Variants in IGF2BP2 observed in about 807,000 individuals in gnomAD.
IGF2BP2 encodes the protein insulin-like growth factor 2 mRNA-binding protein 2.
IGF2BP2 carries 17 observed loss-of-function variants against 75.8 expected under a neutral mutation model. The ratio of observed to expected loss-of-function variants is 0.22; its 90% CI spans 0.15 to 0.34. The LOEUF (loss-of-function observed/expected upper bound fraction) is 0.34, where lower values mean the gene tolerates loss of function less well. Among genes scored for constraint, IGF2BP2 ranks in the 10% least tolerant of loss-of-function variants. IGF2BP2 has a pLI of 1.00. For synonymous variants in IGF2BP2, 288 were observed against 295.6 expected (o/e 0.97, Z 0.26); for missense variants, 516 against 772.4 (o/e 0.67, Z 3.93).
At chr3:185,729,497 G>A (rs1005455156) in intron 2 of IGF2BP2, among the ~76,000 whole-genome samples, 31 of 152,114 alleles carry the variant, frequency 2.0e-4, no homozygotes, top group African/African-American at 6.0e-4. Context: ...CCCAATACTC[G>A]TCATGATAGT....
At chr3:185,707,405 T>C (rs1361179166) in intron 2 of IGF2BP2, among the ~76,000 whole-genome samples, 2 of 141,626 alleles carry the variant, frequency 1.4e-5, no homozygotes, top group South Asian at 2.3e-4. Context: ...GCCTCCCAGG[T>C]TCAAGCTATT....
At position 185,825,000 on chromosome 3, in the gene IGF2BP2, T is replaced by A; in HGVS notation, c.-40A>T. 2.8e-6 allele frequency: 4 copies of A among 1,427,502 alleles called. No homozygotes were observed. The highest frequency in any genetic ancestry group is 3.7e-6 in the Non-Finnish European group (4 of 1,069,668). 88.4% of individuals were successfully genotyped at this position (1,427,502 alleles called of 1,614,324 possible). On this transcript the variant is annotated 5_prime_UTR_variant, in exon 1 of 16. Coordinates refer to ENST00000382199, the MANE Select transcript of IGF2BP2 (RefSeq NM_006548.6). ...AGAGCCCGCGGCTCCCCCGGCCCGG[T>A]ACCCGGCGCTCCTCGCCTCCTCCGC... is the stretch of plus-strand genomic sequence containing the variant.
intron 2 of IGF2BP2, among the ~76,000 whole-genome samples, chr3:185,726,884 G>GA (rs1199156106): frequency 6.6e-6 from 1 of 152,040 alleles, no homozygotes; most frequent in Non-Finnish European, 1.5e-5. Flanking sequence ...GGGGTTGTGG[G>GA]AAAAAAAGGT....
At chr3:185,706,723 A>T (rs1724073927) in intron 2 of IGF2BP2, among the ~76,000 whole-genome samples, 1 of 150,926 alleles carries the variant, frequency 6.6e-6, no homozygotes, top group African/African-American at 2.4e-5. Flanking sequence ...AGATTATCAG[A>T]TTTCTCAGAG....
intron 2 of IGF2BP2, chr3:185,722,255 A>T (rs1482792956): frequency 2.2e-6 from 1 of 456,246 alleles, no homozygotes; most frequent in African/African-American, 2.0e-5. Flanking sequence ...TCCCCATTCC[A>T]TAGGGGGTGA....
chr3:185,760,349 C>T (rs1421885424), intron 2 of IGF2BP2, among the ~76,000 whole-genome samples: 1 of 152,094 alleles, frequency 6.6e-6, no homozygotes, highest in Admixed American at 6.5e-5. Flanking sequence ...ATGTTACTCT[C>T]TTTTGTAATT....
At chr3:185,779,760 C>T (rs548568304) in intron 2 of IGF2BP2, among the ~76,000 whole-genome samples, 175 of 114,864 alleles carry the variant, frequency 1.5e-3, no homozygotes, top group African/African-American at 9.9e-3. Flanking sequence ...CTGAAAGCTT[C>T]TCCTATTGCC....
At chr3:185,682,261 T>C (rs1310929481) in intron 7 of IGF2BP2, among the ~76,000 whole-genome samples, 3 of 152,240 alleles carry the variant, frequency 2.0e-5, no homozygotes, top group Non-Finnish European at 4.4e-5. Context: ...TAGGAGGTGA[T>C]GAGTTAATCA....
chr3:185,761,738 C>A (rs1389427923), intron 2 of IGF2BP2, among the ~76,000 whole-genome samples: 1 of 152,106 alleles, frequency 6.6e-6, no homozygotes, highest in African/African-American at 2.4e-5. Flanking sequence ...TTATATGTTC[C>A]AACCCTAAAC....
intron 2 of IGF2BP2, among the ~76,000 whole-genome samples, chr3:185,727,276 C>T (rs1057407556): frequency 2.0e-5 from 3 of 151,640 alleles, no homozygotes; most frequent in African/African-American, 7.3e-5. Flanking sequence ...CAATGGAGAT[C>T]GTTAAGAACA....
chr3:185,684,152 TG>T (rs1166911665), intron 7 of IGF2BP2, among the ~76,000 whole-genome samples: 1 of 152,212 alleles, frequency 6.6e-6, no homozygotes, highest in African/African-American at 2.4e-5. Context: ...GCTGAGTTCC[TG>T]GCACATAGAA....
intron 7 of IGF2BP2, among the ~76,000 whole-genome samples, chr3:185,686,768 T>C (rs1479859952): frequency 6.6e-6 from 1 of 152,182 alleles, no homozygotes; most frequent in African/African-American, 2.4e-5. Flanking sequence ...CAGAAAGTTC[T>C]ATTGGACAGC....
intron 2 of IGF2BP2, among the ~76,000 whole-genome samples, chr3:185,707,622 T>C (rs1053071220): frequency 3.3e-5 from 5 of 152,014 alleles, no homozygotes; most frequent in African/African-American, 4.8e-5. Flanking sequence ...ACTGGAATAG[T>C]GGTGAATAGC....
intron 2 of IGF2BP2, among the ~76,000 whole-genome samples, chr3:185,699,257 G>C (rs572153302): frequency 4.6e-5 from 7 of 152,096 alleles, no homozygotes; most frequent in Non-Finnish European, 7.4e-5. Context: ...TACCAAAGTA[G>C]TTAGAATTTA....
chr3:185,803,759 AG>A (rs1421629641), intron 2 of IGF2BP2, among the ~76,000 whole-genome samples: 2 of 152,232 alleles, frequency 1.3e-5, no homozygotes, highest in African/African-American at 2.4e-5. Context: ...TTTCCTTTAA[AG>A]GGGGGTAGGG....
At position 185,811,873 on chromosome 3, in the gene IGF2BP2, TCTCTCC is replaced by T. The variant is rs1386331518; in HGVS notation, c.239+11274_239+11279del. 2.8e-3 allele frequency among the ~76,000 whole-genome samples: 147 copies of T among 52,684 alleles called. 1 individual carries two copies. Among genetic ancestry groups the T allele is most frequent in the African/African-American group, 8.6e-3 (22 of 2,544 alleles). 34.6% of individuals were successfully genotyped at this position (52,684 alleles called of 152,430 possible). On this transcript the variant is annotated intron_variant, in intron 2 of 15. Transcript: ENST00000382199. Reference sequence around the variant, plus strand: ...CTCTCTCTCTCTCTCTCTCTCTCTCTCTCTCCCCCTCTCCCTGCCTGGGCATCAGAA... The same window carrying T: ...CTCTCTCTCTCTCTCTCTCTCTCTCTCCCTCTCCCTGCCTGGGCATCAGAA...
intron 2 of IGF2BP2, among the ~76,000 whole-genome samples, chr3:185,812,624 G>A (rs1740052762): frequency 6.6e-6 from 1 of 152,202 alleles, no homozygotes; most frequent in South Asian, 2.1e-4. Flanking sequence ...ACACACTGTA[G>A]GGTGGGTGCT....
chr3:185,782,510 AACTC>A (rs1296119504), intron 2 of IGF2BP2, among the ~76,000 whole-genome samples: 1 of 152,138 alleles, frequency 6.6e-6, no homozygotes, highest in African/African-American at 2.4e-5. Flanking sequence ...ATGTTCAAGA[AACTC>A]ACATTCGTTT....
chr3:185,752,514 T>C (rs1731093557), intron 2 of IGF2BP2, among the ~76,000 whole-genome samples: 1 of 152,178 alleles, frequency 6.6e-6, no homozygotes, highest in Non-Finnish European at 1.5e-5. Context: ...GAAATTTAAT[T>C]GTCAATGAAA....
Sources: allele counts gnomAD v4.1 joint callset (sites outside exome capture counted in the v4.1 genomes callset), GRCh38; gene constraint gnomAD v4.1.1; transcripts MANE v1.5; gene names NCBI Gene and HGNC (gene_info 2026-07-23, HGNC 2026-07-21).